The following TXNRD2 variants were observed in gnomAD, a reference collection of about 807,000 sequenced individuals.
TXNRD2 encodes thioredoxin reductase 2, also known as thioredoxin reductase 2, mitochondrial.
In TXNRD2, 67 loss-of-function variants were observed where a neutral mutation model predicts 70.8. That is an observed-to-expected ratio of 0.95 (90% CI 0.78 to 1.16). TXNRD2 has a LOEUF of 1.16. Ranked by LOEUF, TXNRD2 falls within the 50% of genes most tolerant of loss-of-function variation. TXNRD2 has a pLI of 0.00. For synonymous variants in TXNRD2, 301 were observed against 295.8 expected (o/e 1.02, Z -0.18); for missense variants, 644 against 719.9 (o/e 0.89, Z 1.21).
intron 8 of TXNRD2, among the ~76,000 whole-genome samples, chr22:19,899,464 T>C (rs1166542024): frequency 6.6e-6 from 1 of 152,194 alleles, no homozygotes; most frequent in Non-Finnish European, 1.5e-5. Context: ...GAAGACATCA[T>C]CTGAGCAAAG....
chr22:19,917,512 G>A lies in TXNRD2; in HGVS notation c.449+631C>T, dbSNP rs564407764. 3.9e-4 allele frequency among the ~76,000 whole-genome samples: 59 copies of A among 152,244 alleles called. No individual in the cohort carries two copies. The Middle Eastern group carries it at 0.014, about 35-fold the overall frequency. On this transcript the variant is annotated intron_variant, in intron 5 of 17. Transcript: ENST00000400521. ...ATGAGGAGAGCCACCAGACCTCTGC[G>A]GGACCACTGTCCCCTCCACAGCCCC...
chr22:19,922,892 T>C lies in TXNRD2; in HGVS notation c.173-3293A>G, dbSNP rs146709770. Among the ~76,000 whole-genome samples, 743 of 151,890 alleles carry C rather than the reference T, an allele frequency of 4.9e-3. 13 individuals carry two copies. The highest frequency in any genetic ancestry group is 0.017 in the African/African-American group (719 of 41,440). Reference sequence around the variant, plus strand: ...TTAGTAGAGATGGGGTTTCACCATGTTGGTCAGGCTGGTCTTAAACTCCTG... The same window carrying C: ...TTAGTAGAGATGGGGTTTCACCATGCTGGTCAGGCTGGTCTTAAACTCCTG... On this transcript the variant is annotated intron_variant, in intron 2 of 17. Transcript: ENST00000400521.
At chr22:19,915,986 G>A (rs1375802774) in intron 5 of TXNRD2, 143 bp from the exon 6 acceptor site, 18 of 729,162 alleles carry the variant, frequency 2.5e-5, no homozygotes, top group African/African-American at 5.3e-5. Context: ...AGAGGTAAGC[G>A]GCAACCATGC....
intron 11 of TXNRD2, among the ~76,000 whole-genome samples, chr22:19,893,577 A>G (rs1939360434): frequency 6.6e-6 from 1 of 152,190 alleles, no homozygotes; most frequent in African/African-American, 2.4e-5. Flanking sequence ...CAGTCCCGTC[A>G]GACAGCCCCG....
At chr22:19,926,347 G>A (rs571339178) in intron 2 of TXNRD2, among the ~76,000 whole-genome samples, 25 of 147,600 alleles carry the variant, frequency 1.7e-4, no homozygotes, top group African/African-American at 5.0e-4. Flanking sequence ...AAAATTAGTC[G>A]GGTATAGTGG....
intron 11 of TXNRD2, among the ~76,000 whole-genome samples, chr22:19,892,161 C>T (rs552257473): frequency 6.6e-6 from 1 of 152,386 alleles, no homozygotes; most frequent in African/African-American, 2.4e-5. Flanking sequence ...GCCAGCTGTG[C>T]CGCCCCTAGG....
intron 8 of TXNRD2, among the ~76,000 whole-genome samples, chr22:19,909,590 A>ACACACACAC (rs1411775981): frequency 1.5e-4 from 12 of 79,966 alleles, no homozygotes; most frequent in African/African-American, 5.8e-4. Flanking sequence ...CACACACACC[A>ACACACACAC]CACACACCAC....
In TXNRD2 at chr22:19,883,361, A is replaced by C. The variant is rs1341515671; in HGVS notation, c.1050T>G (p.Ser350=). The change falls in exon 12 of 18, where the codon TCT becomes TCG. Residue 350 remains serine, a synonymous_variant. Transcript: ENST00000400521. The stretch of plus-strand genomic sequence containing the variant: ...CACCAATGGCGTAGATGTGGGGCAC[A>C]GAGGTGGCTTCCCGGGAGTCCACCA... The part of the protein sequence containing the change: ...KILVDSREAT[S]VPHIYAIGDV... 6.2e-7 allele frequency: 1 copy of C among 1,613,928 alleles called. No homozygotes were observed. Among genetic ancestry groups the C allele is most frequent in the East Asian group, 2.2e-5 (1 of 44,892 alleles).
At chr22:19,914,425 T>C (rs1940543691) in intron 7 of TXNRD2, among the ~76,000 whole-genome samples, 1 of 152,220 alleles carries the variant, frequency 6.6e-6, no homozygotes, top group South Asian at 2.1e-4. Flanking sequence ...TAAAAAGGAA[T>C]GATACTGACA....
intron 12 of TXNRD2, among the ~76,000 whole-genome samples, chr22:19,881,778 G>T (rs759782008): frequency 2.0e-5 from 3 of 152,168 alleles, no homozygotes; most frequent in Non-Finnish European, 2.9e-5. Flanking sequence ...GCACCTACAT[G>T]GTCCACAGGC....
intron 3 of TXNRD2, 58 bp downstream of exon 3, chr22:19,919,485 T>C (rs978391451): frequency 6.6e-7 from 1 of 1,510,600 alleles, no homozygotes; most frequent in African/African-American, 1.4e-5. Context: ...GTACAGGAAC[T>C]GGGCCCACCT....
intron 11 of TXNRD2, 124 bp downstream of exon 11, chr22:19,895,283 C>G: frequency 1.3e-6 from 2 of 1,591,632 alleles, no homozygotes; most frequent in South Asian, 2.2e-5. Context: ...CACTGGGGAG[C>G]GGCCAACCCG....
chr22:19,881,651 G>A (rs1205585155), intron 12 of TXNRD2, among the ~76,000 whole-genome samples: 1 of 152,248 alleles, frequency 6.6e-6, no homozygotes, highest in African/African-American at 2.4e-5. Flanking sequence ...CTTGCAGAGG[G>A]AAAACTCAGA....
intron 2 of TXNRD2, among the ~76,000 whole-genome samples, chr22:19,925,935 G>A (rs922836184): frequency 3.9e-5 from 6 of 152,154 alleles, no homozygotes; most frequent in Admixed American, 6.5e-5. Flanking sequence ...GGGAGGCCGA[G>A]GCGGGTGGAT....
chr22:19,929,835 C>A (rs1941292083), intron 2 of TXNRD2, among the ~76,000 whole-genome samples: 1 of 152,120 alleles, frequency 6.6e-6, no homozygotes, highest in Non-Finnish European at 1.5e-5. Context: ...ATCAGGTTGC[C>A]CATTTTGATA....
chr22:19,931,224 G>A (rs1032381104), intron 1 of TXNRD2, 126 bp from the exon 2 acceptor site: 19 of 836,726 alleles, frequency 2.3e-5, no homozygotes, highest in South Asian at 1.8e-4. Context: ...ACACAACAGA[G>A]CAGAAAGAGT....
At chr22:19,920,128 C>A (rs761973475) in intron 2 of TXNRD2, among the ~76,000 whole-genome samples, 1 of 152,214 alleles carries the variant, frequency 6.6e-6, no homozygotes, top group African/African-American at 2.4e-5. Context: ...CACCAAAGCT[C>A]AGGAGAAGTG....
chr22:19,913,442 G>A (rs1361597233), intron 7 of TXNRD2, among the ~76,000 whole-genome samples: 1 of 152,150 alleles, frequency 6.6e-6, no homozygotes, highest in Non-Finnish European at 1.5e-5. Context: ...CCACAAAGAA[G>A]AGTCAGAGTC....
chr22:19,920,453 C>T (rs951355439), intron 2 of TXNRD2, among the ~76,000 whole-genome samples: 1 of 152,158 alleles, frequency 6.6e-6, no homozygotes, highest in Admixed American at 6.5e-5. Context: ...TGTGGTGGTG[C>T]AAGCCTGTAG....
Sources: allele counts gnomAD v4.1 joint callset (sites outside exome capture counted in the v4.1 genomes callset), GRCh38; gene constraint gnomAD v4.1.1; transcripts MANE v1.5; gene names NCBI Gene and HGNC (gene_info 2026-07-23, HGNC 2026-07-21).